The following ADARB2 variants were observed in gnomAD, a reference collection of about 807,000 sequenced individuals.
ADARB2 encodes the protein adenosine deaminase RNA specific B2 (inactive), also known as inactive double-stranded RNA-specific editase B2.
ADARB2 carries 25 observed loss-of-function variants against 62.2 expected under a neutral mutation model. The observed-to-expected ratio is 0.40, with a 90% CI of 0.29 to 0.56. ADARB2 has a LOEUF of 0.56. ADARB2 is among the 20% of genes least tolerant of loss of function. The pLI, the probability that ADARB2 is intolerant of heterozygous loss-of-function variation, is 0.43. For missense variants in ADARB2, 1,071 were observed against 1,077.4 expected (o/e 0.99, Z 0.08); for synonymous variants, 572 against 500.8 (o/e 1.14, Z -1.90).
chr10:1,225,616 A>G (rs1365435042), intron 6 of ADARB2, among the ~76,000 whole-genome samples: 1 of 151,998 alleles, frequency 6.6e-6, no homozygotes, highest in East Asian at 1.9e-4. Context: ...GGTGGTGACA[A>G]AATCTCTCAG....
At chr10:1,201,589 C>T (rs1393538083) in intron 7 of ADARB2, among the ~76,000 whole-genome samples, 1 of 151,134 alleles carries the variant, frequency 6.6e-6, no homozygotes, top group Non-Finnish European at 1.5e-5. Context: ...GACCTTCATT[C>T]CACAGAGTGT....
chr10:1,647,932 A>G (rs144162888), intron 1 of ADARB2, among the ~76,000 whole-genome samples: 2,491 of 152,108 alleles, frequency 0.016, 66 homozygotes, highest in African/African-American at 0.052. Flanking sequence ...AATTTAGGGT[A>G]TATCTCGAAC....
chr10:1,219,773 C>CGGTGATATGATGGTGAAGAT (rs1830666048), intron 6 of ADARB2, among the ~76,000 whole-genome samples: 1 of 142,022 alleles, frequency 7.0e-6, no homozygotes, highest in African/African-American at 2.6e-5. Context: ...GCGGTGGAGA[C>CGGTGATATGATGGTGAAGAT]GGTGATATGA....
At chr10:1,554,280 G>A (rs1832670066) in intron 1 of ADARB2, among the ~76,000 whole-genome samples, 1 of 152,140 alleles carries the variant, frequency 6.6e-6, no homozygotes, top group Admixed American at 6.5e-5. Flanking sequence ...ATCCCTGGCT[G>A]TTTTCGTGGG....
chr10:1,374,398 T>G (rs1832403379), intron 2 of ADARB2, among the ~76,000 whole-genome samples: 2 of 152,134 alleles, frequency 1.3e-5, no homozygotes, highest in African/African-American at 4.8e-5. Flanking sequence ...TTTGATACGG[T>G]GTCCGGAATG....
At chr10:1,407,767 G>A (rs1397848168) in intron 1 of ADARB2, among the ~76,000 whole-genome samples, 1 of 152,160 alleles carries the variant, frequency 6.6e-6, no homozygotes, top group Non-Finnish European at 1.5e-5. Context: ...CAGGATGGAA[G>A]ATTCTCCCGA....
chr10:1,217,224 C>G, intron 6 of ADARB2, 105 bp from the exon 7 acceptor site: 1 of 1,175,614 alleles, frequency 8.5e-7, no homozygotes, highest in African/African-American at 1.6e-5. Context: ...GGCCCCTCAC[C>G]ATGGCTGGGC....
intron 3 of ADARB2, among the ~76,000 whole-genome samples, chr10:1,302,290 C>T (rs1831580651): frequency 6.6e-6 from 1 of 152,176 alleles, no homozygotes; most frequent in African/African-American, 2.4e-5. Context: ...AAAATCCGGT[C>T]ACTCCCACCT....
At chr10:1,461,831 C>T (rs901463957) in intron 1 of ADARB2, among the ~76,000 whole-genome samples, 4 of 152,074 alleles carry the variant, frequency 2.6e-5, no homozygotes, top group Non-Finnish European at 5.9e-5. Flanking sequence ...GAAACACCCT[C>T]TCTACTAAAA....
chr10:1,485,012 A>T (rs1431982251), intron 1 of ADARB2, among the ~76,000 whole-genome samples: 1 of 152,114 alleles, frequency 6.6e-6, no homozygotes, highest in Non-Finnish European at 1.5e-5. Context: ...GTATACAGGT[A>T]CATATATAAG....
chr10:1,318,020 A>G (rs1005639676), intron 3 of ADARB2, among the ~76,000 whole-genome samples: 8 of 152,164 alleles, frequency 5.3e-5, no homozygotes, highest in Non-Finnish European at 8.8e-5. Flanking sequence ...ACATTAGGAG[A>G]AGGCCCTGTC....
At chr10:1,446,727 C>T (rs898011466) in intron 1 of ADARB2, among the ~76,000 whole-genome samples, 3 of 152,188 alleles carry the variant, frequency 2.0e-5, no homozygotes, top group South Asian at 2.1e-4. Context: ...ACAGTGTTCT[C>T]GTGACAGTTA....
chr10:1,710,669 G>A lies in ADARB2; in HGVS notation c.100+26382C>T, dbSNP rs568225791. ...GGGTTCACACCACACTACCATCAGC[G>A]TGGACTGCAGAGAGGCACGAGGAAT... On this transcript the variant is annotated intron_variant, in intron 1 of 9. Transcript: ENST00000381312. Among the ~76,000 whole-genome samples the A allele has an allele frequency of 6.6e-5, 10 of 152,354 alleles. 1 individual carries two copies. In the South Asian group the frequency reaches 1.7e-3, roughly 25 times the overall value.
chr10:1,649,278 T>C (rs1445976494), intron 1 of ADARB2, among the ~76,000 whole-genome samples: 1 of 152,226 alleles, frequency 6.6e-6, no homozygotes, highest in Non-Finnish European at 1.5e-5. Flanking sequence ...TTTGAAATCG[T>C]ATCATAAATT....
At chr10:1,248,964 C>T (rs1457910019) in intron 4 of ADARB2, among the ~76,000 whole-genome samples, 1 of 152,164 alleles carries the variant, frequency 6.6e-6, no homozygotes, top group Non-Finnish European at 1.5e-5. Context: ...GAGAAGCCTT[C>T]GGGTTGTGTG....
intron 1 of ADARB2, among the ~76,000 whole-genome samples, chr10:1,598,084 C>T (rs1833356696): frequency 6.6e-6 from 1 of 152,242 alleles, no homozygotes; most frequent in African/African-American, 2.4e-5. Context: ...CCCATGGATA[C>T]ACTGAGTGGA....
chr10:1,377,207 C>CATTTGTGTGCGCCCCTGGGGTGT (rs1832440145), intron 2 of ADARB2, among the ~76,000 whole-genome samples: 1 of 60,334 alleles, frequency 1.7e-5, no homozygotes, highest in Non-Finnish European at 3.0e-5. Flanking sequence ...GGGGTGTGTG[C>CATTTGTGTGCGCCCCTGGGGTGT]GTTTGTGTGC....
chr10:1,579,748 C>A (rs1332352852), intron 1 of ADARB2, among the ~76,000 whole-genome samples: 1 of 152,146 alleles, frequency 6.6e-6, no homozygotes, highest in East Asian at 1.9e-4. Flanking sequence ...ATTCCTTGGC[C>A]CCAACTGACA....
chr10:1,211,592 G>T (rs1032772214), intron 7 of ADARB2, among the ~76,000 whole-genome samples: 1 of 152,184 alleles, frequency 6.6e-6, no homozygotes, highest in African/African-American at 2.4e-5. Flanking sequence ...GTTATTTCTG[G>T]ACGAGACCAT....
Sources: gnomAD v4.1 joint callset for allele counts (sites outside exome capture counted in the v4.1 genomes callset) on GRCh38, gnomAD v4.1.1 for gene constraint, MANE v1.5 for transcripts, NCBI Gene and HGNC (gene_info 2026-07-23, HGNC 2026-07-21) for gene names.